FUS: variants seen among roughly 807,000 people sequenced by gnomAD.
FUS encodes RNA-binding protein FUS.
FUS carries 5 observed loss-of-function variants against 82.7 expected under a neutral mutation model. The observed-to-expected ratio is 0.06, with a 90% CI of 0.03 to 0.13. FUS has a LOEUF of 0.13. FUS is among the 10% of genes least tolerant of loss of function. FUS has a pLI of 1.00. For missense variants in FUS, 512 were observed against 707.8 expected (o/e 0.72, Z 3.14); for synonymous variants, 281 against 247.4 (o/e 1.14, Z -1.27).
In FUS at chr16:31,188,209, T is replaced by C. The variant is rs947401332; in HGVS notation, c.800-116T>C. On this transcript the variant is annotated intron_variant, in intron 7 of 14. Transcript: ENST00000254108. ...GGCTGTGAGCACTTACTTGATATTT[T>C]ACAAGTTTGGATTTGGTGTTAATTT... The C allele has an allele frequency of 4.5e-6, 5 of 1,109,422 alleles. No individual in the cohort carries two copies. The African/African-American group carries it at 6.2e-5, about 14-fold the overall frequency. 68.7% of individuals were successfully genotyped at this position (1,109,422 alleles called of 1,614,324 possible).
intron 11 of FUS, 48 bp from the exon 12 acceptor site, chr16:31,190,215 TGGGTTAGATTTA>T: frequency 6.2e-7 from 1 of 1,613,890 alleles, no homozygotes. Context: ...TTGCATGGAA[TGGGTTAGATTTA>T]CCAAACTTGG....
At chr16:31,192,243 C>G (rs886051942), downstream of FUS, 1 of 526,158 alleles carries the variant, frequency 1.9e-6, no homozygotes, top group Non-Finnish European at 3.7e-6. Flanking sequence ...AGGCTTGATC[C>G]CTTTTTGATT....
intron 5 of FUS, among the ~76,000 whole-genome samples, chr16:31,184,696 G>A (rs1383895857): frequency 2.0e-5 from 3 of 152,040 alleles, no homozygotes; most frequent in Non-Finnish European, 4.4e-5. Flanking sequence ...GCCCGCCTTG[G>A]CCTCCCAAAG....
At position 31,185,084 on chromosome 16, in the gene FUS, C is replaced by T. The variant is rs767226101; in HGVS notation, c.669C>T (p.Gly223=). The T allele has an allele frequency of 3.0e-5, 47 of 1,588,566 alleles. No homozygotes were observed. Among genetic ancestry groups the T allele is most frequent in the African/African-American group, 2.7e-5 (2 of 73,624 alleles). The part of the protein sequence containing the change: ...RGGRGRGGSG[G]GGGGGGGGYN... Reference sequence around the variant, plus strand: ...GCCGCGGCAGGGGTGGCAGTGGTGGCGGCGGCGGCGGCGGCGGTGGTGGTT... The same window carrying T: ...GCCGCGGCAGGGGTGGCAGTGGTGGTGGCGGCGGCGGCGGCGGTGGTGGTT... The change falls in exon 6 of 15, where the codon GGC becomes GGT. Residue 223 remains glycine, a synonymous_variant. Transcript: ENST00000254108.
chr16:31,189,879 T>C (rs1211838872), intron 10 of FUS, 85 bp downstream of exon 10: 1 of 1,608,992 alleles, frequency 6.2e-7, no homozygotes, highest in Non-Finnish European at 8.5e-7. Context: ...GAGGGTTCTT[T>C]TGAGTCTTCC....
rs781356972 is a variant in FUS, at chr16:31,184,169, T to C, written c.336-40T>C. Reference sequence around the variant, plus strand: ...AAAAGTGAAAGGAAATTGGGGGCTATGCTGGGATTGTGATTGTGTTTTTTG... The same window carrying C: ...AAAAGTGAAAGGAAATTGGGGGCTACGCTGGGATTGTGATTGTGTTTTTTG... On this transcript the variant is annotated intron_variant, in intron 4 of 14. Transcript: ENST00000254108. 1.9e-6 allele frequency: 3 copies of C among 1,614,024 alleles called. No homozygotes were observed. In the African/African-American group the frequency reaches 4.0e-5, roughly 22 times the overall value.
chr16:31,191,822 G>A (rs770785853), downstream of FUS: 9 of 563,014 alleles, frequency 1.6e-5, no homozygotes, highest in South Asian at 7.6e-5. Context: ...GATGTCATGA[G>A]TGTTGGCCTA....
At chr16:31,193,484 T>TG, downstream of FUS, 1 of 528,718 alleles carries the variant, frequency 1.9e-6, no homozygotes, top group Non-Finnish European at 3.7e-6. Context: ...ATTCTAATCT[T>TG]GCTTTGGTTG....
At position 31,188,837 on chromosome 16, in the gene FUS, T is replaced by C. The variant is rs545206208; in HGVS notation, c.833-286T>C. On this transcript the variant is annotated intron_variant, in intron 8 of 14. Transcript: ENST00000254108. ...CCTTCAACTGAAAGTTGATAAATAC[T>C]GATGGACTTTTCTGTGTGGTCTTGT... 1.8e-4 allele frequency: 92 copies of C among 509,770 alleles called. 1 individual carries two copies. The South Asian group carries it at 2.0e-3, about 11-fold the overall frequency. The allele number at this position is 509,770 out of a possible 1,614,324, so 31.6% of individuals were successfully genotyped here. A position where few individuals can be genotyped will look rare whatever the true frequency, so the allele number is the denominator to read the frequency against.
rs1284862762 is a variant in FUS at position 31,191,063 on chromosome 16, G to GGGT, written c.1500_1502dup (p.Gly501dup). 1.2e-6 allele frequency: 2 copies of GGGT among 1,613,240 alleles called. No individual in the cohort carries two copies. Among genetic ancestry groups the GGGT allele is most frequent in the Non-Finnish European group, 1.7e-6 (2 of 1,180,026 alleles). On this transcript the variant is annotated inframe_insertion, in exon 14 of 15. Coordinates refer to ENST00000254108, the MANE Select transcript of FUS (RefSeq NM_004960.4). ...ACCGTGGAGGCTTCCGAGGGGGCCG[G>GGGT]GGTGGTGGGGACAGAGGTGGCTTTG...
chr16:31,186,346 A>G (rs2079269337), intron 6 of FUS: 1 of 311,890 alleles, frequency 3.2e-6, no homozygotes, highest in Non-Finnish European at 6.1e-6. Context: ...TTTTTATGGA[A>G]TGGGGTTGGG....
At chr16:31,183,077 A>G in intron 3 of FUS, 1 of 287,236 alleles carries the variant, frequency 3.5e-6, no homozygotes. Context: ...TCCGTGAAAC[A>G]GTGTATAAGT....
chr16:31,180,320 C>T, intron 1 of FUS, 93 bp downstream of exon 1: 1 of 1,501,940 alleles, frequency 6.7e-7, no homozygotes. Context: ...GCGGCGATCC[C>T]GTGTGGGATT....
intron 1 of FUS, among the ~76,000 whole-genome samples, 176 bp downstream of exon 1, chr16:31,180,403 C>T (rs1333458296): frequency 6.6e-6 from 1 of 152,184 alleles, no homozygotes; most frequent in East Asian, 1.9e-4. Context: ...TTTTGTTTCG[C>T]TCCTCTGGCC....
At chr16:31,185,963 A>G in intron 6 of FUS, 1 of 235,696 alleles carries the variant, frequency 4.2e-6, no homozygotes, top group Non-Finnish European at 8.4e-6. Context: ...CCCTTGAAAA[A>G]GGGGAGGAAT....
Position 31,183,897 on chromosome 16 carries a change from C to T in FUS, c.230C>T (p.Ser77Leu), listed in dbSNP as rs779170261. ...CAGTCAACTCCCCAGGGATATGGCT[C>T]GACTGGCGGCTATGGCAGTAGCCAG... ...GTQSTPQGYGSTGGYGSSQSS... is the reference protein window; with the variant it reads ...GTQSTPQGYGLTGGYGSSQSS... The change falls in exon 4 of 15, where the codon TCG (serine) becomes TTG (leucine). Residue 77 changes from serine to leucine, a missense_variant. Transcript: ENST00000254108. 12 of 1,613,994 alleles carry T rather than the reference C, an allele frequency of 7.4e-6. No homozygotes were observed. Among genetic ancestry groups the T allele is most frequent in the Admixed American group, 5.0e-5 (3 of 59,992 alleles).
At chr16:31,181,775 C>G (rs1027638159) in intron 1 of FUS, among the ~76,000 whole-genome samples, 6 of 152,198 alleles carry the variant, frequency 3.9e-5, no homozygotes, top group East Asian at 3.9e-4. Flanking sequence ...AACGAATGCG[C>G]GATGTTTTAG....
downstream of FUS, chr16:31,193,887 C>G (rs1328763548): frequency 5.7e-6 from 3 of 527,996 alleles, no homozygotes; most frequent in South Asian, 1.5e-5. Flanking sequence ...CCTCAAGTGA[C>G]CTGCCTGCCT....
chr16:31,185,480 GA>G (rs776354272), intron 6 of FUS: 59 of 626,124 alleles, frequency 9.4e-5, no homozygotes, highest in Non-Finnish European at 1.5e-4. Flanking sequence ...TCCTAGGCAA[GA>G]AACATGGAAG....
Sources: allele counts gnomAD v4.1 joint callset (sites outside exome capture counted in the v4.1 genomes callset), GRCh38; gene constraint gnomAD v4.1.1; transcripts MANE v1.5; gene names NCBI Gene and HGNC (gene_info 2026-07-23, HGNC 2026-07-21).